The following UBXN7 variants were observed in gnomAD, a reference collection of about 807,000 sequenced individuals.
UBXN7 encodes UBX domain-containing protein 7.
Under a neutral mutation model 58.0 loss-of-function variants are expected in UBXN7, and 9 were observed. That is an observed-to-expected ratio of 0.16 (90% CI 0.09 to 0.27). The LOEUF (loss-of-function observed/expected upper bound fraction) is 0.27. UBXN7 is among the 10% of genes least tolerant of loss of function. The pLI is 1.00. For synonymous variants in UBXN7, 208 were observed against 205.0 expected (o/e 1.01, Z -0.12); for missense variants, 328 against 599.6 (o/e 0.55, Z 4.73).
At chr3:196,375,200 C>A (rs561197054) in intron 5 of UBXN7, among the ~76,000 whole-genome samples, 45 of 149,708 alleles carry the variant, frequency 3.0e-4, no homozygotes, top group Admixed American at 9.9e-4. Flanking sequence ...CACACACACA[C>A]ACACACACAC....
intron 3 of UBXN7, chr3:196,400,746 G>GAAA (rs746942913): frequency 3.0e-6 from 1 of 329,936 alleles, no homozygotes; most frequent in Non-Finnish European, 5.9e-6. Context: ...CAAAACAAAA[G>GAAA]AAAAAAAAAA....
rs377073569 is a variant in UBXN7 at position 196,362,528 on chromosome 3, C to T, written c.994G>A (p.Val332Ile). 3.3e-5 allele frequency: 53 copies of T among 1,614,022 alleles called. No homozygotes were observed. Among genetic ancestry groups the T allele is most frequent in the South Asian group, 2.0e-4 (18 of 91,076 alleles). ...LFSGSEEFIS[V>I]CGSDEEEEVE... ...TCTTCTTCTTCATCAGAGCCACAAACGGATATGAACTCCTCACTGCCAGAA... is the reference window on the plus strand; with the variant it reads ...TCTTCTTCTTCATCAGAGCCACAAATGGATATGAACTCCTCACTGCCAGAA... The change falls in exon 9 of 11, where the codon GTT becomes ATT. Residue 332 changes from valine (V) to isoleucine (I), a missense_variant. This residue lies in a region of UBXN7 where 126 missense variants were observed against 302.6 expected (regional missense o/e 0.42). Transcript: ENST00000296328.
rs1036530707 is a variant in UBXN7, at chr3:196,353,053, T to C, written c.*3632A>G. 2.0e-5 allele frequency: 3 copies of C among 152,210 alleles called. No homozygotes were observed. Among genetic ancestry groups the C allele is most frequent in the African/African-American group, 7.2e-5 (3 of 41,462 alleles). The allele number at this position is 152,210 out of a possible 1,614,324, so 9.4% of individuals were successfully genotyped here. A position where few individuals can be genotyped will look rare whatever the true frequency, so the allele number is the denominator to read the frequency against. Reference sequence around the variant, plus strand: ...CAAAATAATGGCATAAATAAAAATGTATAGGCATAGTGCAAATCCCACAAC... The same window carrying C: ...CAAAATAATGGCATAAATAAAAATGCATAGGCATAGTGCAAATCCCACAAC... On this transcript the variant is annotated 3_prime_UTR_variant, in exon 11 of 11. Transcript: ENST00000296328.
At chr3:196,365,099 G>A (rs909555810) in intron 8 of UBXN7, among the ~76,000 whole-genome samples, 2 of 151,714 alleles carry the variant, frequency 1.3e-5, no homozygotes, top group African/African-American at 4.8e-5. Flanking sequence ...TTTATAAAAC[G>A]TGTTCAACTA....
chr3:196,401,214 T>A (rs1729951057), intron 3 of UBXN7, among the ~76,000 whole-genome samples: 1 of 103,164 alleles, frequency 9.7e-6, no homozygotes, highest in South Asian at 3.6e-4. Context: ...GAGTTCAAGA[T>A]CAGCCTGACT....
intron 5 of UBXN7, among the ~76,000 whole-genome samples, chr3:196,375,777 C>A (rs2108836159): frequency 6.6e-6 from 1 of 152,282 alleles, no homozygotes. Context: ...GCCTGTAATC[C>A]CAGCACTTTG....
chr3:196,372,498 C>T (rs1165298744), intron 5 of UBXN7, among the ~76,000 whole-genome samples: 2 of 151,828 alleles, frequency 1.3e-5, no homozygotes, highest in African/African-American at 2.4e-5. Context: ...TGCCCCAACA[C>T]GCCTGGCTGA....
At chr3:196,371,449 C>A (rs1253942137) in intron 6 of UBXN7, among the ~76,000 whole-genome samples, 2 of 152,020 alleles carry the variant, frequency 1.3e-5, no homozygotes, top group Non-Finnish European at 2.9e-5. Flanking sequence ...ATGTGTACAG[C>A]TTACAATATA....
chr3:196,409,457 T>A (rs760193600), intron 1 of UBXN7, among the ~76,000 whole-genome samples: 4 of 152,174 alleles, frequency 2.6e-5, no homozygotes, highest in Non-Finnish European at 5.9e-5. Context: ...GTGATTTTTT[T>A]ACTGTGATGT....
chr3:196,360,424 C>A (rs1373079883), intron 10 of UBXN7, among the ~76,000 whole-genome samples: 1 of 152,172 alleles, frequency 6.6e-6, no homozygotes, highest in Non-Finnish European at 1.5e-5. Flanking sequence ...GCTCATTTAA[C>A]ATTCCAAAAT....
At chr3:196,399,402 T>G (rs941484210) in intron 3 of UBXN7, among the ~76,000 whole-genome samples, 1 of 151,958 alleles carries the variant, frequency 6.6e-6, no homozygotes, top group Admixed American at 6.6e-5. Flanking sequence ...CCTCCCAAAG[T>G]GTTGAGATTA....
At chr3:196,394,603 CAAA>C (rs58896906) in intron 3 of UBXN7, among the ~76,000 whole-genome samples, 1 of 113,990 alleles carries the variant, frequency 8.8e-6, no homozygotes. Flanking sequence ...AACTCCGTCT[CAAA>C]AAAAAAAAAA....
At chr3:196,389,875 A>T (rs1033662122) in intron 5 of UBXN7, among the ~76,000 whole-genome samples, 14 of 151,700 alleles carry the variant, frequency 9.2e-5, no homozygotes, top group East Asian at 1.9e-4. Flanking sequence ...GGACACATTT[A>T]AAAAAAAATA....
At chr3:196,429,301 T>A (rs1185719477) in intron 1 of UBXN7, among the ~76,000 whole-genome samples, 2 of 150,614 alleles carry the variant, frequency 1.3e-5, no homozygotes, top group Non-Finnish European at 2.9e-5. Flanking sequence ...CACTCCAGCC[T>A]GGGTGACAGA....
Position 196,352,607 on chromosome 3 carries a change from G to A in UBXN7, c.*4078C>T, listed in dbSNP as rs773085532. ...TCTATAAAGAACTCAATAGCTAATT[G>A]TTGACTTGTAAGTCAAGGAAGTAGA... On this transcript the variant is annotated 3_prime_UTR_variant, in exon 11 of 11. Transcript: ENST00000296328. The surrounding 1 kb of genome is among the most constrained non-coding windows in gnomAD (Gnocchi z 4.1). The A allele has an allele frequency of 6.6e-6, 1 of 152,124 alleles. No homozygotes were observed. The highest frequency in any genetic ancestry group is 1.5e-5 in the Non-Finnish European group (1 of 68,016). 9.4% of individuals were successfully genotyped at this position (152,124 alleles called of 1,614,324 possible).
At position 196,348,497 on chromosome 3, in the gene UBXN7, G is replaced by T. The variant is rs56351369; in HGVS notation, c.*8188C>A. ...AAATTTAGAGCCTGTCCTGCATTAA[G>T]AATGCAAATCTCAGTAAGACCACCC... On this transcript the variant is annotated 3_prime_UTR_variant, in exon 11 of 11. Coordinates refer to ENST00000296328, the MANE Select transcript of UBXN7 (RefSeq NM_015562.2). 0.051 allele frequency: 7,725 copies of T among 152,264 alleles called. 249 individuals carry two copies. The highest frequency in any genetic ancestry group is 0.12 in the South Asian group (601 of 4,816). 9.4% of individuals were successfully genotyped at this position (152,264 alleles called of 1,614,324 possible). A position where few individuals can be genotyped will look rare whatever the true frequency, so the allele number is the denominator to read the frequency against.
At chr3:196,360,579 A>C (rs1728480458) in intron 10 of UBXN7, among the ~76,000 whole-genome samples, 1 of 152,200 alleles carries the variant, frequency 6.6e-6, no homozygotes, top group Non-Finnish European at 1.5e-5. Flanking sequence ...GCTCAGAAAA[A>C]AGATTCAACA....
intron 3 of UBXN7, among the ~76,000 whole-genome samples, chr3:196,401,822 A>AGAGAG: frequency 6.8e-5 from 3 of 43,992 alleles, no homozygotes; most frequent in African/African-American, 1.9e-4. Context: ...AGAAAAGAGA[A>AGAGAG]GAGAGAAGAG....
intron 3 of UBXN7, among the ~76,000 whole-genome samples, chr3:196,397,041 G>A (rs569663806): frequency 3.3e-5 from 5 of 151,868 alleles, no homozygotes; most frequent in South Asian, 4.1e-4. Flanking sequence ...TCTTCCCTTC[G>A]TTTACCCTAT....
Sources: allele counts gnomAD v4.1 joint callset (sites outside exome capture counted in the v4.1 genomes callset), GRCh38; gene constraint gnomAD v4.1.1; regional missense constraint gnomAD v4.1.1; non-coding constraint Gnocchi (gnomAD v3.1); transcripts MANE v1.5; gene names NCBI Gene and HGNC (gene_info 2026-07-23, HGNC 2026-07-21).